Variants in DNAJC16 observed in about 807,000 individuals in gnomAD.
DNAJC16 encodes DnaJ heat shock protein family (Hsp40) member C16, also known as dnaJ homolog subfamily C member 16.
Under a neutral mutation model 92.7 loss-of-function variants are expected in DNAJC16, and 76 were observed. The observed-to-expected ratio is 0.82, with a 90% confidence interval of 0.68 to 0.99. The LOEUF (loss-of-function observed/expected upper bound fraction) is 0.99. DNAJC16 is among the 50% of genes least tolerant of loss of function. The probability of loss-of-function intolerance (pLI) is 0.00; values close to 1 mark genes in which losing one functional copy is unlikely to be tolerated. For synonymous variants in DNAJC16, 328 were observed against 358.7 expected (o/e 0.91, Z 0.97); for missense variants, 869 against 942.4 (o/e 0.92, Z 1.02).
At chr1:15,553,431 AC>A (rs1166138011) in intron 7 of DNAJC16, among the ~76,000 whole-genome samples, 1 of 151,534 alleles carries the variant, frequency 6.6e-6, no homozygotes, top group African/African-American at 2.4e-5. Context: ...ATGGGGTTTC[AC>A]CATGTTGGCC....
chr1:15,535,458 T>C (rs1191954470), intron 3 of DNAJC16, among the ~76,000 whole-genome samples: 1 of 152,218 alleles, frequency 6.6e-6, no homozygotes, highest in Non-Finnish European at 1.5e-5. Context: ...ATTTAGAATA[T>C]CTAATCGGCT....
Position 15,568,269 on chromosome 1 carries a change from G to C in DNAJC16, c.*92G>C, listed in dbSNP as rs1638867182. On this transcript the variant is annotated 3_prime_UTR_variant, in exon 15 of 15. Transcript: ENST00000375847. ...AGGACTCAAACTACCACAATGAACA[G>C]AGTATAGATTTTAGATTGCTCTTCT... The C allele has an allele frequency of 9.2e-7, 1 of 1,091,968 alleles. No individual in the cohort carries two copies. The highest frequency in any genetic ancestry group is 1.3e-6 in the Non-Finnish European group (1 of 753,854). The allele number at this position is 1,091,968 out of a possible 1,614,324, so 67.6% of individuals were successfully genotyped here. A position where few individuals can be genotyped will look rare whatever the true frequency, so the allele number is the denominator to read the frequency against.
Position 15,560,063 on chromosome 1 carries a change from CA to C in DNAJC16, c.1154+427del, listed in dbSNP as rs34204724. ...GGGCAACAAGAGTGAAACTCTGTCTCAAAAAAAAAAAAAAAAAAAACACTGA... is the reference window on the plus strand; with the variant it reads ...GGGCAACAAGAGTGAAACTCTGTCTCAAAAAAAAAAAAAAAAAAACACTGA... On this transcript the variant is annotated intron_variant, in intron 8 of 14. Coordinates refer to ENST00000375847, the MANE Select transcript of DNAJC16 (RefSeq NM_015291.4). The C allele has an allele frequency of 6.6e-3, 496 of 75,042 alleles. 4 individuals carry two copies. The highest frequency in any genetic ancestry group is 0.018 in the African/African-American group (405 of 22,710). 4.6% of individuals were successfully genotyped at this position (75,042 alleles called of 1,614,324 possible).
chr1:15,546,965 T>C (rs918357735), intron 6 of DNAJC16, 94 bp downstream of exon 6: 94 of 966,748 alleles, frequency 9.7e-5, no homozygotes, highest in Middle Eastern at 6.6e-4. Context: ...TTGGAACTTA[T>C]AGCCTATTTG....
chr1:15,531,681 T>C (rs905698000), intron 2 of DNAJC16, among the ~76,000 whole-genome samples: 7 of 152,244 alleles, frequency 4.6e-5, no homozygotes, highest in African/African-American at 1.7e-4. Flanking sequence ...TTCTTCTCTT[T>C]TTTAATTAGA....
intron 4 of DNAJC16, among the ~76,000 whole-genome samples, chr1:15,538,023 T>C (rs994348520): frequency 6.6e-6 from 1 of 152,106 alleles, no homozygotes; most frequent in Non-Finnish European, 1.5e-5. Flanking sequence ...AAATCAAATA[T>C]CATTTTAGGG....
intron 5 of DNAJC16, 137 bp from the exon 6 acceptor site, chr1:15,546,630 C>A: frequency 1.6e-6 from 1 of 640,722 alleles, no homozygotes; most frequent in Non-Finnish European, 2.7e-6. Flanking sequence ...CAAATGAAGA[C>A]AAAAAGATTA....
intron 7 of DNAJC16, among the ~76,000 whole-genome samples, chr1:15,549,976 A>G (rs1638406493): frequency 6.6e-6 from 1 of 152,168 alleles, no homozygotes; most frequent in Non-Finnish European, 1.5e-5. Context: ...GTGTATAGGA[A>G]AAAAACATAG....
At position 15,542,773 on chromosome 1, in the gene DNAJC16, C is replaced by T. The variant is rs1382572578; in HGVS notation, c.575-1626C>T. Among the ~76,000 whole-genome samples, 4 of 152,172 alleles carry T rather than the reference C, an allele frequency of 2.6e-5. No individual in the cohort carries two copies. The East Asian group carries it at 7.7e-4, about 29-fold the overall frequency. On this transcript the variant is annotated intron_variant, in intron 4 of 14. Coordinates refer to ENST00000375847, the MANE Select transcript of DNAJC16 (RefSeq NM_015291.4). ...TGTCTGCTGGAGGATTTATGGGGAACCCCCACCCCCACAGCGTGTGGTGTC... is the reference window on the plus strand; with the variant it reads ...TGTCTGCTGGAGGATTTATGGGGAATCCCCACCCCCACAGCGTGTGGTGTC...
At chr1:15,541,747 C>G (rs1466779023) in intron 4 of DNAJC16, among the ~76,000 whole-genome samples, 1 of 151,434 alleles carries the variant, frequency 6.6e-6, no homozygotes, top group Non-Finnish European at 1.5e-5. Flanking sequence ...GTCAGCATTC[C>G]TTATAATGTT....
chr1:15,539,501 C>T (rs1710880732), intron 4 of DNAJC16, among the ~76,000 whole-genome samples: 1 of 151,924 alleles, frequency 6.6e-6, no homozygotes, highest in Non-Finnish European at 1.5e-5. Flanking sequence ...CCACCTCGGT[C>T]TCCCAAAGTG....
intron 4 of DNAJC16, among the ~76,000 whole-genome samples, chr1:15,544,155 C>T (rs1570910039): frequency 1.4e-5 from 1 of 72,572 alleles, no homozygotes; most frequent in Admixed American, 1.3e-4. Flanking sequence ...TATGCATACA[C>T]ACACACACAC....
rs557201632 is a variant in DNAJC16, at chr1:15,556,237, T to C, written c.1024-3289T>C. On this transcript the variant is annotated intron_variant, in intron 7 of 14. Coordinates refer to ENST00000375847, the MANE Select transcript of DNAJC16 (RefSeq NM_015291.4). The stretch of plus-strand genomic sequence containing the variant: ...AGTTGTTGGTTGTTTTGTTTTGTTT[T>C]GTTTTGTTTTGTTTTAAGACGGAGT... Among the ~76,000 whole-genome samples the C allele has an allele frequency of 4.3e-3, 654 of 151,920 alleles. 5 individuals are homozygous for C. Among genetic ancestry groups the C allele is most frequent in the African/African-American group, 0.012 (505 of 41,390 alleles).
intron 7 of DNAJC16, among the ~76,000 whole-genome samples, chr1:15,551,624 T>C (rs1170901419): frequency 6.6e-6 from 1 of 151,882 alleles, no homozygotes; most frequent in Non-Finnish European, 1.5e-5. Context: ...TTGCTTTTGT[T>C]TTTGTTTTTT....
chr1:15,546,402 G>C (rs1254666745), intron 5 of DNAJC16, among the ~76,000 whole-genome samples: 2 of 152,158 alleles, frequency 1.3e-5, no homozygotes, highest in African/African-American at 4.8e-5. Context: ...TAGATAGATA[G>C]ATAGGTAGAT....
chr1:15,567,060 ATCCTGACAGCATCTTAAC>A (rs751192399), intron 13 of DNAJC16, 21 bp from the exon 14 acceptor site: 2 of 1,585,942 alleles, frequency 1.3e-6, no homozygotes, highest in Non-Finnish European at 1.7e-6. Flanking sequence ...CTTTCCCCCT[ATCCTGACAGCATCTTAAC>A]TCCTCAATAT....
chr1:15,527,447 T>C lies in DNAJC16; in HGVS notation c.-19+489T>C, dbSNP rs1570892811. ...GTTGACTCTGGGCTCAGTAAACCCT[T>C]TACATGCATTTAGTCCCCACATGAT... On this transcript the variant is annotated intron_variant, in intron 1 of 14. Transcript: ENST00000375847. Among the ~76,000 whole-genome samples the C allele has an allele frequency of 5.3e-5, 8 of 152,336 alleles. 2 individuals carry two copies. The South Asian group carries it at 1.7e-3, about 32-fold the overall frequency.
At chr1:15,565,746 ATC>A in intron 11 of DNAJC16, 171 bp from the exon 12 acceptor site, 1 of 658,592 alleles carries the variant, frequency 1.5e-6, no homozygotes, top group South Asian at 1.9e-5. Context: ...ACACTGAGCA[ATC>A]TCTACCTTCC....
Position 15,546,805 on chromosome 1 carries a change from G to A in DNAJC16, c.798G>A (p.Trp266Ter), listed in dbSNP as rs1638318159. 6 of 1,613,528 alleles carry A rather than the reference G, an allele frequency of 3.7e-6. No individual in the cohort carries two copies. Among genetic ancestry groups the A allele is most frequent in the African/African-American group, 1.3e-5 (1 of 74,854 alleles). Residue 266 changes from tryptophan (W) to a stop codon, truncating the protein, a stop_gained, in exon 6 of 15, where the codon TGG (tryptophan) becomes TGA (stop). Coordinates refer to ENST00000375847, the MANE Select transcript of DNAJC16 (RefSeq NM_015291.4). LOFTEE classifies it high-confidence loss of function. ...NKNYVRFLSG[W>*]QQENKPHVLL... The stretch of plus-strand genomic sequence containing the variant: ...ATTACGTCAGATTCCTCTCTGGCTG[G>A]CAGCAAGAGAATAAGCCTCATGTCC...
Sources: gnomAD v4.1 joint callset for allele counts (sites outside exome capture counted in the v4.1 genomes callset) on GRCh38, gnomAD v4.1.1 for gene constraint, MANE v1.5 for transcripts, NCBI Gene and HGNC (gene_info 2026-07-23, HGNC 2026-07-21) for gene names.